Variants in DTL observed in about 807,000 individuals in gnomAD.
DTL encodes denticleless E3 ubiquitin protein ligase adapter.
In DTL, 46 loss-of-function variants were observed where a neutral mutation model predicts 87.0. The observed-to-expected ratio is 0.53, with a 90% CI of 0.42 to 0.68. The LOEUF (loss-of-function observed/expected upper bound fraction) is 0.68. DTL is among the 30% of genes least tolerant of loss of function. The pLI is 0.00. For synonymous variants in DTL, 308 were observed against 311.2 expected (o/e 0.99, Z 0.11); for missense variants, 737 against 869.4 (o/e 0.85, Z 1.91).
intron 10 of DTL, among the ~76,000 whole-genome samples, chr1:212,069,065 A>G (rs1283201563): frequency 6.6e-6 from 1 of 152,078 alleles, no homozygotes; most frequent in Non-Finnish European, 1.5e-5. Flanking sequence ...TAGGGGGCTG[A>G]AATTTTCATA....
intron 2 of DTL, among the ~76,000 whole-genome samples, chr1:212,044,187 C>T (rs1395867858): frequency 6.6e-6 from 1 of 152,204 alleles, no homozygotes; most frequent in African/African-American, 2.4e-5. Context: ...TGGCAGCCTA[C>T]ATCATCATAT....
At chr1:212,074,911 G>A (rs1320953733) in intron 11 of DTL, among the ~76,000 whole-genome samples, 1 of 152,110 alleles carries the variant, frequency 6.6e-6, no homozygotes, top group Non-Finnish European at 1.5e-5. Context: ...GGCTGATATT[G>A]AGGCCCAAGA....
Position 212,100,305 on chromosome 1 carries a change from A to G in DTL, c.1315A>G (p.Asn439Asp). Residue 439 changes from asparagine (N) to aspartate (D), a missense_variant, in exon 14 of 15, where the codon AAT becomes GAT. Physicochemically the swap from Asn to Asp is conservative, Grantham distance 23. Coordinates refer to ENST00000366991, the MANE Select transcript of DTL (RefSeq NM_016448.4). ...TPAKAPRAKC[N>D]PSNSSPSSAA... The stretch of plus-strand genomic sequence containing the variant: ...TGCCAAAGCCCCCAGGGCAAAGTGC[A>G]ATCCATCCAATTCTTCCCCGTCATC... 6.2e-7 allele frequency: 1 copy of G among 1,609,244 alleles called. No individual in the cohort carries two copies. Among genetic ancestry groups the G allele is most frequent in the South Asian group, 1.1e-5 (1 of 90,124 alleles).
intron 3 of DTL, among the ~76,000 whole-genome samples, chr1:212,046,736 T>C (rs1156964553): frequency 6.6e-6 from 1 of 152,236 alleles, no homozygotes; most frequent in East Asian, 1.9e-4. Flanking sequence ...TTGTGAATAA[T>C]GCTGCAGTGA....
At chr1:212,076,083 T>G (rs984084406) in intron 11 of DTL, among the ~76,000 whole-genome samples, 1 of 152,226 alleles carries the variant, frequency 6.6e-6, no homozygotes, top group South Asian at 2.1e-4. Flanking sequence ...ATTGTGTGGA[T>G]AGACCACATT....
rs144775202 is a variant in DTL at position 212,050,786 on chromosome 1, C to G, written c.460+3369C>G. On this transcript the variant is annotated intron_variant, in intron 5 of 14. Transcript: ENST00000366991. The stretch of plus-strand genomic sequence containing the variant: ...TGTTCTCTTTTAGTTGTTACTGTTT[C>G]ATATTTTCCATCTCCTTTAATTTGG... 2.6e-5 allele frequency among the ~76,000 whole-genome samples: 4 copies of G among 152,230 alleles called. No individual in the cohort carries two copies. In the East Asian group the frequency reaches 7.7e-4, roughly 29 times the overall value.
At chr1:212,098,977 GA>G (rs1198410856) in intron 13 of DTL, among the ~76,000 whole-genome samples, 1 of 152,178 alleles carries the variant, frequency 6.6e-6, no homozygotes, top group Non-Finnish European at 1.5e-5. Context: ...AAGTTCAGCT[GA>G]AAGTCTCCTT....
At chr1:212,086,199 G>C (rs1655124667) in intron 13 of DTL, among the ~76,000 whole-genome samples, 2 of 144,554 alleles carry the variant, frequency 1.4e-5, no homozygotes, top group South Asian at 4.4e-4. Context: ...ATCAGTTATG[G>C]AAGTATTGAC....
chr1:212,043,224 T>A, intron 2 of DTL, 106 bp downstream of exon 2: 1 of 1,194,748 alleles, frequency 8.4e-7, no homozygotes, highest in Non-Finnish European at 1.1e-6. Flanking sequence ...GTAAATTAGG[T>A]GGATGTTAGA....
At position 212,047,222 on chromosome 1, in the gene DTL, T is replaced by C; in HGVS notation, c.339+10T>C. On this transcript the variant is annotated intron_variant, in intron 4 of 14. Transcript: ENST00000366991. Reference sequence around the variant, plus strand: ...TGGTGAACTTAAACTTGTAAGTGACTTTATTTCATTAGGATCTGGGTAAAT... The same window carrying C: ...TGGTGAACTTAAACTTGTAAGTGACCTTATTTCATTAGGATCTGGGTAAAT... 6.2e-7 allele frequency: 1 copy of C among 1,614,186 alleles called. No individual in the cohort carries two copies. Among genetic ancestry groups the C allele is most frequent in the African/African-American group, 1.3e-5 (1 of 75,060 alleles).
Position 212,047,526 on chromosome 1 carries a change from A to G in DTL, c.460+109A>G, listed in dbSNP as rs140100272. 3.4e-4 allele frequency: 471 copies of G among 1,373,504 alleles called. 4 individuals are homozygous for G. The African/African-American group carries it at 6.3e-3, about 18-fold the overall frequency. 85.1% of individuals were successfully genotyped at this position (1,373,504 alleles called of 1,614,324 possible). On this transcript the variant is annotated intron_variant, in intron 5 of 14. Transcript: ENST00000366991. Reference sequence around the variant, plus strand: ...CCCTGTCAAAGTTACTGCTTTACCTACATAGATGATTAAGATTCTTTTTTT... The same window carrying G: ...CCCTGTCAAAGTTACTGCTTTACCTGCATAGATGATTAAGATTCTTTTTTT...
chr1:212,065,109 T>A (rs1654451900), intron 7 of DTL, 80 bp downstream of exon 7: 2 of 1,015,868 alleles, frequency 2.0e-6, no homozygotes, highest in Non-Finnish European at 1.5e-6. Flanking sequence ...ATTAAGTGAA[T>A]GAGAATCTTC....
intron 11 of DTL, among the ~76,000 whole-genome samples, chr1:212,073,533 T>G (rs1413262441): frequency 1.3e-5 from 2 of 152,198 alleles, no homozygotes; most frequent in African/African-American, 2.4e-5. Context: ...CTGTTTAGTA[T>G]GAAGCATAAT....
chr1:212,072,058 G>C (rs374261828), intron 10 of DTL, 43 bp from the exon 11 acceptor site: 74 of 1,418,084 alleles, frequency 5.2e-5, no homozygotes, highest in Non-Finnish European at 6.2e-5. Context: ...TTGACCACTA[G>C]AAATAACAAG....
intron 13 of DTL, among the ~76,000 whole-genome samples, chr1:212,096,788 A>G (rs981777244): frequency 6.6e-6 from 1 of 152,162 alleles, no homozygotes; most frequent in Non-Finnish European, 1.5e-5. Context: ...TTTGTGGCCT[A>G]TCATATGGTC....
chr1:212,046,656 T>C (rs1667816533), intron 3 of DTL, among the ~76,000 whole-genome samples: 4 of 152,228 alleles, frequency 2.6e-5, no homozygotes, highest in Admixed American at 2.6e-4. Flanking sequence ...TTCCACAGTG[T>C]ATATGTACCA....
chr1:212,082,635 A>G (rs1655020457), intron 13 of DTL, among the ~76,000 whole-genome samples: 3 of 152,138 alleles, frequency 2.0e-5, no homozygotes, highest in Admixed American at 2.0e-4. Flanking sequence ...GGCTACTGAG[A>G]GATGGTGGGG....
chr1:212,086,902 T>G lies in DTL; in HGVS notation c.1261+6152T>G, dbSNP rs368937080. ...ATTCTTGTGTTAATGACTATACCAT[T>G]TCTTAAAATTTGTGATGAAAAGTAT... is the stretch of plus-strand genomic sequence containing the variant. On this transcript the variant is annotated intron_variant, in intron 13 of 14. Coordinates refer to ENST00000366991, the MANE Select transcript of DTL (RefSeq NM_016448.4). Among the ~76,000 whole-genome samples, 47 of 152,356 alleles carry G rather than the reference T, an allele frequency of 3.1e-4. 1 individual carries two copies. The highest frequency in any genetic ancestry group is 9.6e-4 in the African/African-American group (40 of 41,574).
At chr1:212,072,721 T>A (rs1654710427) in intron 11 of DTL, among the ~76,000 whole-genome samples, 1 of 151,948 alleles carries the variant, frequency 6.6e-6, no homozygotes, top group Non-Finnish European at 1.5e-5. Flanking sequence ...ATGGCTGCTT[T>A]ATCAGATTTT....
Sources: allele counts gnomAD v4.1 joint callset (sites outside exome capture counted in the v4.1 genomes callset), GRCh38; gene constraint gnomAD v4.1.1; transcripts MANE v1.5; gene names NCBI Gene and HGNC (gene_info 2026-07-23, HGNC 2026-07-21).